The following KCND2 variants were observed in gnomAD, a reference collection of about 807,000 sequenced individuals.
KCND2 encodes potassium voltage-gated channel subfamily D member 2.
Under a neutral mutation model 54.4 loss-of-function variants are expected in KCND2, and 16 were observed. That is an observed-to-expected ratio of 0.29 (90% CI 0.20 to 0.45). KCND2 has a LOEUF of 0.45. Ranked by LOEUF, KCND2 falls within the 20% of genes least tolerant of loss-of-function variation. KCND2 has a pLI of 1.00. For missense variants in KCND2, 486 were observed against 824.2 expected (o/e 0.59, Z 5.02); for synonymous variants, 317 against 310.7 (o/e 1.02, Z -0.21).
At chr7:120,314,848 A>C (rs1799790007) in intron 1 of KCND2, among the ~76,000 whole-genome samples, 2 of 152,306 alleles carry the variant, frequency 1.3e-5, no homozygotes, top group Admixed American at 1.3e-4. Context: ...ATTTAAAAAA[A>C]TTTAGTATGT....
chr7:120,341,242 T>C (rs1259491695), intron 1 of KCND2, among the ~76,000 whole-genome samples: 1 of 152,176 alleles, frequency 6.6e-6, no homozygotes, highest in Non-Finnish European at 1.5e-5. Flanking sequence ...TGTGAAATAG[T>C]TCTCCAAGAT....
At chr7:120,348,850 G>C (rs1800361725) in intron 1 of KCND2, among the ~76,000 whole-genome samples, 1 of 151,922 alleles carries the variant, frequency 6.6e-6, no homozygotes, top group Admixed American at 6.6e-5. Context: ...CTTAATTTCT[G>C]TATTTTATTA....
chr7:120,393,304 A>G (rs951515699), intron 1 of KCND2, among the ~76,000 whole-genome samples: 1 of 152,020 alleles, frequency 6.6e-6, no homozygotes, highest in African/African-American at 2.4e-5. Flanking sequence ...ATTGCCTAGC[A>G]CAATACCAAA....
chr7:120,584,963 C>T (rs12706291), intron 1 of KCND2, among the ~76,000 whole-genome samples: 103,717 of 152,102 alleles, frequency 0.68, 38,181 homozygotes, highest in Middle Eastern at 0.88. Context: ...GTATATTTGC[C>T]TTAATTAGAA....
intron 1 of KCND2, among the ~76,000 whole-genome samples, chr7:120,602,188 T>A (rs1792821823): frequency 6.6e-6 from 1 of 152,192 alleles, no homozygotes; most frequent in Non-Finnish European, 1.5e-5. Flanking sequence ...TTCTCTACAT[T>A]TATCACATTT....
At chr7:120,432,279 A>G (rs1196168474) in intron 1 of KCND2, among the ~76,000 whole-genome samples, 1 of 152,172 alleles carries the variant, frequency 6.6e-6, no homozygotes, top group East Asian at 1.9e-4. Context: ...CCCCAGAATG[A>G]CACCTTGTGT....
chr7:120,733,622 C>T (rs1169589174), intron 2 of KCND2, among the ~76,000 whole-genome samples: 1 of 152,098 alleles, frequency 6.6e-6, no homozygotes, highest in Non-Finnish European at 1.5e-5. Context: ...AAGGGTCAAA[C>T]TGGTTCCAGT....
At chr7:120,288,096 G>A (rs1178569846) in intron 1 of KCND2, among the ~76,000 whole-genome samples, 1 of 152,108 alleles carries the variant, frequency 6.6e-6, no homozygotes, top group Non-Finnish European at 1.5e-5. Flanking sequence ...AGGATTGTGA[G>A]CTTTTAAAGC....
chr7:120,485,803 CT>C (rs1802684723), intron 1 of KCND2, among the ~76,000 whole-genome samples: 2 of 152,088 alleles, frequency 1.3e-5, no homozygotes, highest in African/African-American at 4.8e-5. Context: ...TTTTGTTTCT[CT>C]TTTCTGTCTC....
At chr7:120,590,226 C>T (rs1285927087) in intron 1 of KCND2, among the ~76,000 whole-genome samples, 1 of 152,108 alleles carries the variant, frequency 6.6e-6, no homozygotes, top group African/African-American at 2.4e-5. Flanking sequence ...ACCATATTGG[C>T]CCCGCTGGTC....
chr7:120,488,820 C>T (rs941834302), intron 1 of KCND2, among the ~76,000 whole-genome samples: 3 of 151,474 alleles, frequency 2.0e-5, no homozygotes, highest in African/African-American at 2.4e-5. Flanking sequence ...ATGGAAAAAC[C>T]GACACATCAA....
At chr7:120,544,774 T>C (rs577660435) in intron 1 of KCND2, among the ~76,000 whole-genome samples, 2 of 152,076 alleles carry the variant, frequency 1.3e-5, no homozygotes, top group African/African-American at 2.4e-5. Context: ...CTTTTGCTCA[T>C]TTCTTAATTC....
At chr7:120,656,891 C>T (rs1467189083) in intron 1 of KCND2, among the ~76,000 whole-genome samples, 1 of 152,184 alleles carries the variant, frequency 6.6e-6, no homozygotes, top group Non-Finnish European at 1.5e-5. Flanking sequence ...CTGGCAGCCT[C>T]ATCATAAAAT....
At chr7:120,433,622 C>T (rs942190026) in intron 1 of KCND2, among the ~76,000 whole-genome samples, 1 of 152,174 alleles carries the variant, frequency 6.6e-6, no homozygotes, top group African/African-American at 2.4e-5. Context: ...TATTGCCTGG[C>T]ATGTAGTAAA....
chr7:120,330,573 C>T (rs1426022071), intron 1 of KCND2, among the ~76,000 whole-genome samples: 3 of 88,830 alleles, frequency 3.4e-5, no homozygotes, highest in African/African-American at 1.3e-4. Context: ...AAGAGCAAAA[C>T]TCTGTCTCAA....
chr7:120,488,859 CTAGT>C (rs1391564918), intron 1 of KCND2, among the ~76,000 whole-genome samples: 3 of 152,006 alleles, frequency 2.0e-5, no homozygotes, highest in Non-Finnish European at 2.9e-5. Flanking sequence ...TTCTAGCCTA[CTAGT>C]TAAACTACAT....
intron 1 of KCND2, among the ~76,000 whole-genome samples, chr7:120,482,302 T>C (rs1452642102): frequency 2.6e-5 from 4 of 152,182 alleles, no homozygotes; most frequent in Non-Finnish European, 5.9e-5. Context: ...GAAGGCAATT[T>C]GCCTAAGAAT....
chr7:120,742,533 T>C lies in KCND2; in HGVS notation c.1398T>C (p.Phe466=). 1 of 1,613,650 alleles carries C rather than the reference T, an allele frequency of 6.2e-7. No individual in the cohort carries two copies. Among genetic ancestry groups the C allele is most frequent in the Non-Finnish European group, 8.5e-7 (1 of 1,179,634 alleles). ...QLQSSEDEQA[F]VSKSGSSFET... is the part of the protein sequence containing the mutation. Reference sequence around the variant, plus strand: ...AGTCCTCAGAGGATGAGCAGGCTTTTGTTAGCAAATCCGGCTCCAGCTTTG... The same window carrying C: ...AGTCCTCAGAGGATGAGCAGGCTTTCGTTAGCAAATCCGGCTCCAGCTTTG... Residue 466 remains phenylalanine, a synonymous_variant, in exon 4 of 6, where the codon TTT becomes TTC. Transcript: ENST00000331113.
chr7:120,479,683 C>A lies in KCND2; in HGVS notation c.1115+203936C>A, dbSNP rs1014161280. 7.3e-5 allele frequency among the ~76,000 whole-genome samples: 11 copies of A among 150,142 alleles called. No homozygotes were observed. In the South Asian group the frequency reaches 2.3e-3, roughly 31 times the overall value. ...GTGGCTCATGCCTGTAATCTCAGCA[C>A]TTGGGGAGGCCAAGATGGGCTGATC... is the stretch of plus-strand genomic sequence containing the variant. On this transcript the variant is annotated intron_variant, in intron 1 of 5. Coordinates refer to ENST00000331113, the MANE Select transcript of KCND2 (RefSeq NM_012281.3).
Sources: gnomAD v4.1 joint callset for allele counts (sites outside exome capture counted in the v4.1 genomes callset) on GRCh38, gnomAD v4.1.1 for gene constraint, MANE v1.5 for transcripts, NCBI Gene and HGNC (gene_info 2026-07-23, HGNC 2026-07-21) for gene names.